TRAF3: variants seen among roughly 807,000 people sequenced by gnomAD.
The protein encoded by TRAF3 is TNF receptor associated factor 3, also known as TNF receptor-associated factor 3.
A neutral mutation model predicts 62.3 loss-of-function variants in TRAF3; 13 were observed. The observed-to-expected ratio is 0.21, with a 90% CI of 0.14 to 0.33. The LOEUF is 0.33. TRAF3 is among the 10% of genes least tolerant of loss of function. The probability of loss-of-function intolerance (pLI) is 1.00; values close to 1 mark genes in which losing one functional copy is unlikely to be tolerated. For missense variants in TRAF3, 440 were observed against 741.8 expected (o/e 0.59, Z 4.73); for synonymous variants, 269 against 283.4 (o/e 0.95, Z 0.51).
intron 2 of TRAF3, among the ~76,000 whole-genome samples, chr14:102,867,147 A>G (rs1888046907): frequency 1.3e-5 from 2 of 152,258 alleles, no homozygotes; most frequent in South Asian, 4.1e-4. Flanking sequence ...CTCATTTACA[A>G]AACTGGCCTT....
chr14:102,902,714 G>C (rs1226659979), intron 10 of TRAF3, among the ~76,000 whole-genome samples: 4 of 152,240 alleles, frequency 2.6e-5, no homozygotes, highest in Non-Finnish European at 4.4e-5. Context: ...CCTGGGAGAA[G>C]AGCTGGGAGG....
At chr14:102,806,397 C>A (rs1030108253) in intron 1 of TRAF3, among the ~76,000 whole-genome samples, 5 of 152,156 alleles carry the variant, frequency 3.3e-5, no homozygotes, top group Admixed American at 6.5e-5. Context: ...TCTGGATAAA[C>A]CCTTCCCAAC....
intron 2 of TRAF3, among the ~76,000 whole-genome samples, chr14:102,861,069 C>T (rs1439292128): frequency 6.6e-6 from 1 of 152,208 alleles, no homozygotes; most frequent in Non-Finnish European, 1.5e-5. Flanking sequence ...GCAAGAAGCT[C>T]AGGGAGGCCA....
intron 1 of TRAF3, among the ~76,000 whole-genome samples, chr14:102,792,432 ATT>A (rs35496572): frequency 0.018 from 2,193 of 122,652 alleles, 27 homozygotes; most frequent in East Asian, 0.036. Context: ...CAGTTAATTG[ATT>A]TTTTTTTTTT....
intron 2 of TRAF3, among the ~76,000 whole-genome samples, chr14:102,861,115 A>G (rs1354027294): frequency 6.6e-6 from 1 of 152,270 alleles, no homozygotes; most frequent in African/African-American, 2.4e-5. Context: ...ACACTGAATC[A>G]GAAGTTCAGG....
rs1443375751 is a variant in TRAF3 at position 102,777,478 on chromosome 14, A to AGGGAGCGC, written c.-351_-344dup. 7.7e-5 allele frequency: 11 copies of AGGGAGCGC among 141,950 alleles called. No individual in the cohort carries two copies. The highest frequency in any genetic ancestry group is 1.2e-4 in the Non-Finnish European group (8 of 64,400). The allele number at this position is 141,950 out of a possible 1,614,324, so 8.8% of individuals were successfully genotyped here. On this transcript the variant is annotated 5_prime_UTR_variant, in exon 1 of 12. Coordinates refer to ENST00000392745, the MANE Select transcript of TRAF3 (RefSeq NM_145725.3). ...GGCTGCGTGAGGGAGCGAGGGAGCG[A>AGGGAGCGC]GGGAGCGCGGCGCGGCCGCCGCGTG...
intron 6 of TRAF3, among the ~76,000 whole-genome samples, chr14:102,884,476 T>G (rs7157267): frequency 6.6e-6 from 1 of 151,838 alleles, no homozygotes; most frequent in African/African-American, 2.4e-5. Flanking sequence ...GGAAAAGAAA[T>G]AGAAATGATT....
rs539678172 is a variant in TRAF3 at position 102,827,482 on chromosome 14, A to G, written c.-156-2852A>G. On this transcript the variant is annotated intron_variant, in intron 1 of 11. Transcript: ENST00000392745. Reference sequence around the variant, plus strand: ...TATACACCTTATACACATAGCCTGAAGGTAATTTTATGCAATATTCTTAAA... The same window carrying G: ...TATACACCTTATACACATAGCCTGAGGGTAATTTTATGCAATATTCTTAAA... 2.0e-5 allele frequency among the ~76,000 whole-genome samples: 3 copies of G among 152,360 alleles called. No individual in the cohort carries two copies. In the South Asian group the frequency reaches 6.2e-4, roughly 32 times the overall value.
chr14:102,824,490 GA>G (rs984501380), intron 1 of TRAF3, among the ~76,000 whole-genome samples: 43 of 152,248 alleles, frequency 2.8e-4, no homozygotes, highest in African/African-American at 1.0e-3. Flanking sequence ...CACCTAGAGT[GA>G]ATATGAATGA....
At chr14:102,804,981 C>G (rs1209597942) in intron 1 of TRAF3, among the ~76,000 whole-genome samples, 1 of 152,180 alleles carries the variant, frequency 6.6e-6, no homozygotes, top group Non-Finnish European at 1.5e-5. Context: ...TTGAGGAACA[C>G]AAGGAAAGAT....
rs1890832686 is a variant in TRAF3 at position 102,910,869 on chromosome 14, G to A, written c.*5085G>A. On this transcript the variant is annotated 3_prime_UTR_variant, in exon 12 of 12. Coordinates refer to ENST00000392745, the MANE Select transcript of TRAF3 (RefSeq NM_145725.3). ...TTGACAACTTAGTCCCCTCAGACAA[G>A]TAAGATACCCTCCAACAGCAAATTC... 1 of 152,208 alleles carries A rather than the reference G, an allele frequency of 6.6e-6. No individual in the cohort carries two copies. Among genetic ancestry groups the A allele is most frequent in the Admixed American group, 6.5e-5 (1 of 15,278 alleles). The allele number at this position is 152,208 out of a possible 1,614,324, so 9.4% of individuals were successfully genotyped here.
At chr14:102,810,184 C>G (rs1899037984) in intron 1 of TRAF3, among the ~76,000 whole-genome samples, 2 of 152,298 alleles carry the variant, frequency 1.3e-5, no homozygotes, top group African/African-American at 2.4e-5. Context: ...CCCCCTCCCC[C>G]CTACAACTGT....
intron 1 of TRAF3, among the ~76,000 whole-genome samples, chr14:102,829,967 A>G (rs894967576): frequency 3.3e-5 from 5 of 152,350 alleles, no homozygotes; most frequent in African/African-American, 1.2e-4. Flanking sequence ...TCATGTCTAC[A>G]GAAAGATAAA....
At chr14:102,877,348 T>C (rs1211437396) in intron 6 of TRAF3, among the ~76,000 whole-genome samples, 10 of 103,204 alleles carry the variant, frequency 9.7e-5, no homozygotes, top group African/African-American at 1.6e-4. Context: ...TTCTGCTCAG[T>C]TTGTAGATAA....
chr14:102,856,097 C>CAAAA (rs3070340), intron 2 of TRAF3, among the ~76,000 whole-genome samples: 41 of 62,686 alleles, frequency 6.5e-4, no homozygotes, highest in Middle Eastern at 8.8e-3. Context: ...CCCTGTCTCA[C>CAAAA]AAAAAAAAAA....
chr14:102,862,701 T>C (rs369999192), intron 2 of TRAF3, among the ~76,000 whole-genome samples: 7 of 152,274 alleles, frequency 4.6e-5, no homozygotes, highest in Admixed American at 1.3e-4. Context: ...CTTTTTTTTG[T>C]CTTTTTTTCT....
At chr14:102,864,004 GAAAGTTAA>G (rs1887828734) in intron 2 of TRAF3, among the ~76,000 whole-genome samples, 1 of 152,200 alleles carries the variant, frequency 6.6e-6, no homozygotes. Context: ...TGGGACCAGA[GAAAGTTAA>G]AATGCCATGG....
chr14:102,899,054 C>T (rs372314465), intron 10 of TRAF3, among the ~76,000 whole-genome samples: 3 of 152,086 alleles, frequency 2.0e-5, no homozygotes, highest in Non-Finnish European at 2.9e-5. Context: ...AGGCTGCCCG[C>T]GCCTGATTCC....
intron 1 of TRAF3, among the ~76,000 whole-genome samples, chr14:102,779,026 G>A (rs1214821460): frequency 6.6e-6 from 1 of 152,186 alleles, no homozygotes; most frequent in Non-Finnish European, 1.5e-5. Flanking sequence ...AAATTCTTTG[G>A]CCAAAACAAG....
Sources: allele counts gnomAD v4.1 joint callset (sites outside exome capture counted in the v4.1 genomes callset), GRCh38; gene constraint gnomAD v4.1.1; transcripts MANE v1.5; gene names NCBI Gene and HGNC (gene_info 2026-07-23, HGNC 2026-07-21).